Variants in MCTP2 observed in about 807,000 individuals in gnomAD.
MCTP2 encodes multiple C2 and transmembrane domain-containing protein 2.
Under a neutral mutation model 111.6 loss-of-function variants are expected in MCTP2, and 132 were observed. The ratio of observed to expected loss-of-function variants is 1.18; its 90% CI spans 1.03 to 1.37. The LOEUF is 1.37. Among genes scored for constraint, MCTP2 ranks in the 40% most tolerant of loss-of-function variants. MCTP2 has a pLI of 0.00. For missense variants in MCTP2, 1,183 were observed against 1,067.9 expected (o/e 1.11, Z -1.50); for synonymous variants, 395 against 387.7 (o/e 1.02, Z -0.22).
chr15:94,274,305 C>T (rs911054334), intron 1 of MCTP2, among the ~76,000 whole-genome samples: 2 of 151,940 alleles, frequency 1.3e-5, no homozygotes, highest in African/African-American at 4.8e-5. Flanking sequence ...AATGCATAAA[C>T]AAGCAAAAGG....
intron 1 of MCTP2, among the ~76,000 whole-genome samples, chr15:94,259,814 C>T (rs16948845): frequency 3.2e-3 from 485 of 152,272 alleles, no homozygotes; most frequent in African/African-American, 0.011. Context: ...GTAAAGGCTT[C>T]CCCAGGTCTC....
chr15:94,420,035 A>G (rs761919685), intron 17 of MCTP2, among the ~76,000 whole-genome samples: 3 of 152,104 alleles, frequency 2.0e-5, no homozygotes, highest in Admixed American at 6.6e-5. Flanking sequence ...GTAACCTTAA[A>G]TTGAAGCCAG....
At chr15:94,381,134 T>C (rs140033014) in intron 12 of MCTP2, among the ~76,000 whole-genome samples, 348 of 152,342 alleles carry the variant, frequency 2.3e-3, no homozygotes, top group Non-Finnish European at 4.0e-3. Flanking sequence ...TTTCTCTCAG[T>C]ACCATTGGTG....
chr15:94,393,327 G>A (rs1395612127), intron 14 of MCTP2, among the ~76,000 whole-genome samples: 1 of 152,202 alleles, frequency 6.6e-6, no homozygotes, highest in African/African-American at 2.4e-5. Flanking sequence ...CTTGAGAGAG[G>A]ACTAATTGGA....
intron 14 of MCTP2, among the ~76,000 whole-genome samples, chr15:94,398,081 A>G (rs541163885): frequency 6.6e-6 from 1 of 152,346 alleles, no homozygotes; most frequent in Non-Finnish European, 1.5e-5. Flanking sequence ...TAGATAACTT[A>G]TATGTGGGGT....
At chr15:94,471,369 G>C (rs184304871) in intron 21 of MCTP2, among the ~76,000 whole-genome samples, 1 of 152,234 alleles carries the variant, frequency 6.6e-6, no homozygotes, top group Admixed American at 6.5e-5. Context: ...TTAAGCAAAA[G>C]CTGAGAGCCT....
intron 1 of MCTP2, among the ~76,000 whole-genome samples, chr15:94,242,950 CACATATACACGTGTAT>C (rs2071101124): frequency 1.2e-5 from 1 of 82,212 alleles, no homozygotes; most frequent in Non-Finnish European, 2.8e-5. Context: ...TATGTAGATA[CACATATACACGTGTAT>C]ATGTGTATCT....
At chr15:94,383,286 T>G (rs1333790680) in intron 12 of MCTP2, among the ~76,000 whole-genome samples, 3 of 152,180 alleles carry the variant, frequency 2.0e-5, no homozygotes, top group Admixed American at 1.3e-4. Flanking sequence ...GGTTTCCAGT[T>G]ATAGAATAGT....
intron 4 of MCTP2, among the ~76,000 whole-genome samples, chr15:94,317,853 A>G (rs2076443094): frequency 6.6e-6 from 1 of 152,130 alleles, no homozygotes. Context: ...TAGTGAAAAA[A>G]TTATTGCCTA....
intron 1 of MCTP2, chr15:94,278,207 A>G (rs952065327): frequency 2.6e-5 from 4 of 152,124 alleles, no homozygotes; most frequent in African/African-American, 9.7e-5. Context: ...GAAAATAGGA[A>G]CCAATTTGAA....
At chr15:94,293,670 C>A (rs148306825) in intron 1 of MCTP2, among the ~76,000 whole-genome samples, 1 of 152,172 alleles carries the variant, frequency 6.6e-6, no homozygotes, top group Non-Finnish European at 1.5e-5. Context: ...AATGGCTATG[C>A]ACATACCTAT....
At chr15:94,435,224 G>C (rs981415820) in intron 17 of MCTP2, among the ~76,000 whole-genome samples, 4 of 152,108 alleles carry the variant, frequency 2.6e-5, no homozygotes, top group African/African-American at 9.7e-5. Flanking sequence ...AAGATTGCTT[G>C]AATCTGTAGG....
At chr15:94,351,160 G>C (rs2078283163) in intron 8 of MCTP2, among the ~76,000 whole-genome samples, 1 of 152,090 alleles carries the variant, frequency 6.6e-6, no homozygotes, top group South Asian at 2.1e-4. Flanking sequence ...AACTTCTGTG[G>C]ACTTTTACAT....
chr15:94,245,741 T>C (rs2071939249), intron 1 of MCTP2, among the ~76,000 whole-genome samples: 1 of 149,486 alleles, frequency 6.7e-6, no homozygotes, highest in Non-Finnish European at 1.5e-5. Context: ...TATATCTATA[T>C]AGACAAAAGA....
chr15:94,319,936 A>G (rs2076550177), intron 4 of MCTP2, among the ~76,000 whole-genome samples: 1 of 152,166 alleles, frequency 6.6e-6, no homozygotes, highest in African/African-American at 2.4e-5. Flanking sequence ...TATTGTTGCA[A>G]TAGGAAGTAT....
chr15:94,284,026 C>G (rs1461434610), intron 1 of MCTP2, among the ~76,000 whole-genome samples: 1 of 152,136 alleles, frequency 6.6e-6, no homozygotes, highest in African/African-American at 2.4e-5. Flanking sequence ...ACAATGGGAA[C>G]TCATTAACTG....
chr15:94,297,860 G>C (rs1169381201), intron 1 of MCTP2, among the ~76,000 whole-genome samples: 1 of 151,980 alleles, frequency 6.6e-6, no homozygotes, highest in Non-Finnish European at 1.5e-5. Context: ...TGCTGTTGGT[G>C]TTCTCGTGAA....
intron 4 of MCTP2, among the ~76,000 whole-genome samples, chr15:94,336,612 G>A (rs559063357): frequency 2.6e-5 from 4 of 152,032 alleles, no homozygotes; most frequent in South Asian, 2.1e-4. Flanking sequence ...TCACATGGTC[G>A]TTAGGAAGGG....
At chr15:94,466,219 ATCTTT>A (rs1393424071) in intron 20 of MCTP2, among the ~76,000 whole-genome samples, 12 of 152,102 alleles carry the variant, frequency 7.9e-5, no homozygotes, top group Non-Finnish European at 1.6e-4. Context: ...AATATCTGAA[ATCTTT>A]TCTTTCAGAT....
Sources: gnomAD v4.1 joint callset for allele counts (sites outside exome capture counted in the v4.1 genomes callset) on GRCh38, gnomAD v4.1.1 for gene constraint, MANE v1.5 for transcripts, NCBI Gene and HGNC (gene_info 2026-07-23, HGNC 2026-07-21) for gene names.